Variants in RALYL observed in about 807,000 individuals in gnomAD.
The protein encoded by RALYL is RALY RNA binding protein like.
In RALYL, 29 loss-of-function variants were observed where a neutral mutation model predicts 35.1. That is an observed-to-expected ratio of 0.83 (90% CI 0.61 to 1.13). RALYL has a LOEUF of 1.13. Among genes scored for constraint, RALYL ranks in the 50% most tolerant of loss-of-function variants. The pLI, the probability that RALYL is intolerant of heterozygous loss-of-function variation, is 0.00. For synonymous variants in RALYL, 120 were observed against 127.6 expected (o/e 0.94, Z 0.40); for missense variants, 359 against 360.4 (o/e 1.00, Z 0.03).
At chr8:84,659,214 C>T (rs1045808825) in intron 2 of RALYL, among the ~76,000 whole-genome samples, 1 of 152,040 alleles carries the variant, frequency 6.6e-6, no homozygotes, top group Non-Finnish European at 1.5e-5. Context: ...GTGTAGAGAT[C>T]AACACCTTTT....
chr8:84,301,109 G>C (rs1449576844), intron 1 of RALYL, among the ~76,000 whole-genome samples: 1 of 151,972 alleles, frequency 6.6e-6, no homozygotes, highest in Non-Finnish European at 1.5e-5. Flanking sequence ...TTGCTTTTCT[G>C]AAAAGGCTTT....
chr8:84,259,865 C>T (rs913729642), intron 1 of RALYL, among the ~76,000 whole-genome samples: 2 of 152,154 alleles, frequency 1.3e-5, no homozygotes, highest in African/African-American at 2.4e-5. Context: ...CATGAATACA[C>T]ACACTGCGTT....
chr8:84,455,262 G>T (rs1300458238), intron 1 of RALYL, among the ~76,000 whole-genome samples: 2 of 151,932 alleles, frequency 1.3e-5, no homozygotes, highest in African/African-American at 2.4e-5. Context: ...ACTGTTCAGG[G>T]CTTCAAGACT....
chr8:84,306,081 G>A (rs111347078), intron 1 of RALYL, among the ~76,000 whole-genome samples: 5,129 of 151,546 alleles, frequency 0.034, 127 homozygotes, highest in African/African-American at 0.04. Flanking sequence ...GGAGAATGGC[G>A]TGAACCTGGG....
chr8:84,339,408 GA>G (rs1268818659), intron 1 of RALYL, among the ~76,000 whole-genome samples: 1 of 151,748 alleles, frequency 6.6e-6, no homozygotes, highest in East Asian at 1.9e-4. Context: ...ATTCTCATAG[GA>G]GCATGAATCC....
chr8:84,896,984 C>T (rs889697655), intron 8 of RALYL, among the ~76,000 whole-genome samples: 1 of 151,988 alleles, frequency 6.6e-6, no homozygotes, highest in Non-Finnish European at 1.5e-5. Context: ...ATGAAATGTA[C>T]CAAAAAGTGT....
chr8:84,679,601 G>C, intron 2 of RALYL: 1 of 458,898 alleles, frequency 2.2e-6, no homozygotes, highest in South Asian at 1.7e-5. Flanking sequence ...TATCTTCTTT[G>C]ATGAAACTGA....
At chr8:84,428,540 C>T (rs1404759890) in intron 1 of RALYL, among the ~76,000 whole-genome samples, 5 of 152,170 alleles carry the variant, frequency 3.3e-5, no homozygotes, top group African/African-American at 1.2e-4. Flanking sequence ...TAGTCAGCCT[C>T]AATCTAATTA....
chr8:84,325,981 C>G (rs1300759335), intron 1 of RALYL, among the ~76,000 whole-genome samples: 1 of 151,920 alleles, frequency 6.6e-6, no homozygotes, highest in Non-Finnish European at 1.5e-5. Flanking sequence ...GTGTGGTGGC[C>G]CATGCCTGTG....
intron 2 of RALYL, among the ~76,000 whole-genome samples, chr8:84,698,473 C>T (rs931036502): frequency 5.3e-5 from 8 of 151,916 alleles, no homozygotes; most frequent in African/African-American, 1.9e-4. Flanking sequence ...AGATATCATA[C>T]AGTGGAGTGC....
At chr8:84,250,726 G>A (rs1372026906) in intron 1 of RALYL, among the ~76,000 whole-genome samples, 1 of 152,086 alleles carries the variant, frequency 6.6e-6, no homozygotes, top group African/African-American at 2.4e-5. Context: ...GTTTTCCTTA[G>A]TATGAAAAAG....
At chr8:84,591,587 A>T (rs945342433) in intron 2 of RALYL, among the ~76,000 whole-genome samples, 25 of 152,318 alleles carry the variant, frequency 1.6e-4, no homozygotes, top group African/African-American at 5.8e-4. Context: ...GCTGTTTGTT[A>T]TACCAATATC....
intron 4 of RALYL, among the ~76,000 whole-genome samples, chr8:84,827,083 T>C (rs1180281346): frequency 6.6e-6 from 1 of 152,076 alleles, no homozygotes; most frequent in African/African-American, 2.4e-5. Flanking sequence ...AAAAACCTTA[T>C]AGCAGAAATG....
intron 1 of RALYL, among the ~76,000 whole-genome samples, chr8:84,463,721 T>C (rs1216188915): frequency 2.0e-5 from 3 of 152,104 alleles, no homozygotes; most frequent in Non-Finnish European, 2.9e-5. Context: ...GAGATTAACA[T>C]TGAAATATAT....
intron 1 of RALYL, among the ~76,000 whole-genome samples, chr8:84,430,342 G>C (rs317942): frequency 0.62 from 93,624 of 151,986 alleles, 29,400 homozygotes; most frequent in African/African-American, 0.74. Flanking sequence ...GAAGACAATT[G>C]AAGTACTGTA....
At chr8:84,331,200 A>G (rs73293026) in intron 1 of RALYL, among the ~76,000 whole-genome samples, 1,915 of 152,210 alleles carry the variant, frequency 0.013, 57 homozygotes, top group African/African-American at 0.043. Flanking sequence ...TCAGTAGTCT[A>G]TCAGGGCCTA....
chr8:84,867,401 C>A (rs1333973370), intron 6 of RALYL, among the ~76,000 whole-genome samples: 1 of 152,184 alleles, frequency 6.6e-6, no homozygotes, highest in Non-Finnish European at 1.5e-5. Context: ...TACTCTTAAA[C>A]ATTTGTGAAA....
chr8:84,739,211 T>C (rs1359922981), intron 2 of RALYL, among the ~76,000 whole-genome samples: 2 of 152,010 alleles, frequency 1.3e-5, no homozygotes, highest in African/African-American at 4.8e-5. Context: ...AATGCCATGG[T>C]GTTCTTTTGT....
intron 2 of RALYL, among the ~76,000 whole-genome samples, chr8:84,739,664 A>G (rs975127180): frequency 1.3e-5 from 2 of 151,898 alleles, no homozygotes; most frequent in Non-Finnish European, 2.9e-5. Flanking sequence ...CATGAAGACA[A>G]TAATTATCAA....
Sources: allele counts gnomAD v4.1 joint callset (sites outside exome capture counted in the v4.1 genomes callset), GRCh38; gene constraint gnomAD v4.1.1; transcripts MANE v1.5; gene names NCBI Gene and HGNC (gene_info 2026-07-23, HGNC 2026-07-21).